Variants in FOXP1 observed in about 807,000 individuals in gnomAD.
The protein encoded by FOXP1 is forkhead box P1, also known as forkhead box protein P1.
In FOXP1, 15 loss-of-function variants were observed where a neutral mutation model predicts 98.2. The ratio of observed to expected loss-of-function variants is 0.15; its 90% CI spans 0.10 to 0.24. The LOEUF is 0.24. Ranked by LOEUF, FOXP1 falls within the 10% of genes least tolerant of loss-of-function variation. The probability of loss-of-function intolerance (pLI) is 1.00; values close to 1 mark genes in which losing one functional copy is unlikely to be tolerated. For synonymous variants in FOXP1, 371 were observed against 314.5 expected, an observed-to-expected ratio of 1.18 and a Z score of -1.90; for missense variants, 633 against 848.5, an observed-to-expected ratio of 0.75 and a Z score of 3.15.
At chr3:71,511,270 A>G (rs988980011) in intron 2 of FOXP1, among the ~76,000 whole-genome samples, 1 of 152,138 alleles carries the variant, frequency 6.6e-6, no homozygotes, top group African/African-American at 2.4e-5. Context: ...ATAAGCTTCA[A>G]ATGACCAAAC....
chr3:71,125,403 T>G (rs1412361003), intron 6 of FOXP1, among the ~76,000 whole-genome samples: 1 of 152,200 alleles, frequency 6.6e-6, no homozygotes, highest in Non-Finnish European at 1.5e-5. Flanking sequence ...TAGAACTACT[T>G]GCTTGACATG....
intron 2 of FOXP1, among the ~76,000 whole-genome samples, chr3:71,528,928 G>C (rs192354594): frequency 1.3e-5 from 2 of 152,182 alleles, no homozygotes; most frequent in Non-Finnish European, 2.9e-5. Context: ...TAGCGATCAT[G>C]AATGTTTAAC....
chr3:71,086,672 C>T (rs2107567255), intron 7 of FOXP1, among the ~76,000 whole-genome samples: 1 of 152,282 alleles, frequency 6.6e-6, no homozygotes, highest in Admixed American at 6.5e-5. Flanking sequence ...GGATATTTTC[C>T]AGGAATGCCT....
At chr3:71,077,615 C>T (rs1042591824) in intron 7 of FOXP1, among the ~76,000 whole-genome samples, 2 of 152,208 alleles carry the variant, frequency 1.3e-5, no homozygotes, top group Non-Finnish European at 2.9e-5. Flanking sequence ...CTACAGCATT[C>T]ACTCTCTGTG....
chr3:71,524,459 C>A (rs1448079716), intron 2 of FOXP1, among the ~76,000 whole-genome samples: 2 of 151,716 alleles, frequency 1.3e-5, no homozygotes, highest in African/African-American at 4.8e-5. Flanking sequence ...ACCAGAGGGG[C>A]CTGGAATGCT....
At chr3:71,212,924 T>A (rs971823529) in intron 5 of FOXP1, among the ~76,000 whole-genome samples, 1 of 149,848 alleles carries the variant, frequency 6.7e-6, no homozygotes, top group Middle Eastern at 3.4e-3. Flanking sequence ...AACAATGACA[T>A]GATGCTAAGG....
intron 3 of FOXP1, among the ~76,000 whole-genome samples, chr3:71,396,355 A>T (rs1329713589): frequency 6.6e-6 from 1 of 152,158 alleles, no homozygotes; most frequent in Admixed American, 6.5e-5. Context: ...TGCACCTGGG[A>T]CGTTAGTTTA....
At chr3:71,113,285 C>G (rs771643336) in intron 6 of FOXP1, among the ~76,000 whole-genome samples, 5 of 152,056 alleles carry the variant, frequency 3.3e-5, no homozygotes, top group Admixed American at 6.6e-5. Flanking sequence ...AAACTGGTTA[C>G]GTTTATTATA....
intron 5 of FOXP1, among the ~76,000 whole-genome samples, chr3:71,213,958 C>A (rs1228728778): frequency 6.6e-6 from 1 of 152,132 alleles, no homozygotes; most frequent in African/African-American, 2.4e-5. Flanking sequence ...ATGAATGGAT[C>A]TAGAGTGAAT....
intron 7 of FOXP1, among the ~76,000 whole-genome samples, chr3:71,063,829 C>T (rs1374594501): frequency 1.3e-5 from 2 of 152,160 alleles, no homozygotes; most frequent in African/African-American, 2.4e-5. Context: ...CTTGTAACTG[C>T]CAGGACTTGA....
At chr3:70,976,918 TA>T in intron 17 of FOXP1, 22 bp downstream of exon 17, 1 of 1,557,976 alleles carries the variant, frequency 6.4e-7, no homozygotes, top group Non-Finnish European at 8.9e-7. Context: ...GATCCAAGAA[TA>T]AACAGGCCTG....
intron 7 of FOXP1, among the ~76,000 whole-genome samples, chr3:71,086,982 C>G (rs2055176673): frequency 6.6e-6 from 1 of 152,158 alleles, no homozygotes; most frequent in South Asian, 2.1e-4. Context: ...TGTGTGTTCA[C>G]AGATGGAAAC....
At chr3:71,270,996 C>T (rs2070294326) in intron 5 of FOXP1, among the ~76,000 whole-genome samples, 1 of 152,174 alleles carries the variant, frequency 6.6e-6, no homozygotes, top group Non-Finnish European at 1.5e-5. Context: ...TTTGGGAGGC[C>T]AAGGTGGGCA....
At chr3:71,008,840 T>C (rs1422991776) in intron 12 of FOXP1, among the ~76,000 whole-genome samples, 1 of 152,022 alleles carries the variant, frequency 6.6e-6, no homozygotes, top group Non-Finnish European at 1.5e-5. Context: ...CCAACAGTTA[T>C]GATATTTCTT....
intron 3 of FOXP1, among the ~76,000 whole-genome samples, chr3:71,490,123 G>T (rs1341677695): frequency 6.6e-6 from 1 of 152,188 alleles, no homozygotes; most frequent in Non-Finnish European, 1.5e-5. Flanking sequence ...ACTATCAGAT[G>T]CATAATGCAC....
Position 71,229,673 on chromosome 3 carries a change from G to A in FOXP1, c.-11-31281C>T, listed in dbSNP as rs142585099. ...CTATCCTTGTAGAATATGCAAATGGGCCGTGTCTCTTTCTTTCAGCTGTTT... is the reference window on the plus strand; with the variant it reads ...CTATCCTTGTAGAATATGCAAATGGACCGTGTCTCTTTCTTTCAGCTGTTT... On this transcript the variant is annotated intron_variant, in intron 5 of 20. Transcript: ENST00000649528. Among the ~76,000 whole-genome samples, 115 of 152,206 alleles carry A rather than the reference G, an allele frequency of 7.6e-4. 1 individual carries two copies. In the East Asian group the frequency reaches 0.016, roughly 21 times the overall value.
At chr3:71,276,083 G>A (rs1297063136) in intron 5 of FOXP1, 1 of 152,142 alleles carries the variant, frequency 6.6e-6, no homozygotes, top group Non-Finnish European at 1.5e-5. Context: ...TGATTAAAAA[G>A]AAATCAGGTT....
intron 6 of FOXP1, among the ~76,000 whole-genome samples, chr3:71,163,625 G>C (rs1163082382): frequency 6.6e-6 from 1 of 152,118 alleles, no homozygotes; most frequent in East Asian, 1.9e-4. Flanking sequence ...GTTGAAACTT[G>C]TCAACTCGAT....
intron 3 of FOXP1, among the ~76,000 whole-genome samples, chr3:71,443,311 A>G (rs779306456): frequency 6.6e-6 from 1 of 152,156 alleles, no homozygotes; most frequent in Non-Finnish European, 1.5e-5. Context: ...CTTATCCATC[A>G]CCTCGAACAT....
Sources: allele counts gnomAD v4.1 joint callset (sites outside exome capture counted in the v4.1 genomes callset), GRCh38; gene constraint gnomAD v4.1.1; transcripts MANE v1.5; gene names NCBI Gene and HGNC (gene_info 2026-07-23, HGNC 2026-07-21).